The following CLDN10 variants were observed in gnomAD, a reference collection of about 807,000 sequenced individuals.
CLDN10 encodes claudin 10, also known as claudin-10.
A neutral mutation model predicts 22.9 loss-of-function variants in CLDN10; 15 were observed. The observed-to-expected ratio is 0.65, with a 90% CI of 0.44 to 1.01. The LOEUF (loss-of-function observed/expected upper bound fraction) is 1.01. CLDN10 is among the 50% of genes least tolerant of loss of function. CLDN10 has a pLI of 0.00. For missense variants in CLDN10, 247 were observed against 287.8 expected (o/e 0.86, Z 1.03); for synonymous variants, 114 against 111.4 (o/e 1.02, Z -0.15).
intron 1 of CLDN10, among the ~76,000 whole-genome samples, chr13:95,465,382 A>C (rs542507591): frequency 5.3e-5 from 8 of 152,308 alleles, no homozygotes; most frequent in African/African-American, 1.9e-4. Context: ...TGCCCCGCTG[A>C]TACTGTGTTT....
chr13:95,466,506 A>G lies in CLDN10; in HGVS notation c.214+32459A>G, dbSNP rs528988404. On this transcript the variant is annotated intron_variant, in intron 1 of 4. Transcript: ENST00000376873. ...TGTGCATTTCAGTAATAATTTTGAA[A>G]TAATAATTTAACAAATCACTACATG... Among the ~76,000 whole-genome samples the G allele has an allele frequency of 1.4e-4, 22 of 152,328 alleles. No homozygotes were observed. In the South Asian group the frequency reaches 4.6e-3, roughly 32 times the overall value.
intron 1 of CLDN10, among the ~76,000 whole-genome samples, chr13:95,492,745 GT>G (rs1566299290): frequency 6.6e-6 from 1 of 152,108 alleles, no homozygotes; most frequent in African/African-American, 2.4e-5. Context: ...TCCCTATGGA[GT>G]TTTACCCCCT....
chr13:95,465,945 T>A (rs902093087), intron 1 of CLDN10, among the ~76,000 whole-genome samples: 15 of 152,326 alleles, frequency 9.8e-5, no homozygotes, highest in Non-Finnish European at 1.8e-4. Context: ...TCTATCAATA[T>A]AATGTATTCC....
intron 1 of CLDN10, among the ~76,000 whole-genome samples, chr13:95,463,284 TAATATATATATATATATATATA>T (rs1566282877): frequency 6.1e-5 from 2 of 32,586 alleles, no homozygotes; most frequent in African/African-American, 1.9e-4. Context: ...TGCAAATGCT[TAATATATATATATATATATATA>T]TATATATATA....
chr13:95,449,752 TTTTC>T (rs1306670926), intron 1 of CLDN10, among the ~76,000 whole-genome samples: 2 of 149,408 alleles, frequency 1.3e-5, no homozygotes, highest in Non-Finnish European at 1.5e-5. Flanking sequence ...TTTTTTTTTT[TTTTC>T]TTTTTGAGGC....
intron 1 of CLDN10, among the ~76,000 whole-genome samples, chr13:95,543,471 T>C (rs1247126631): frequency 1.3e-5 from 2 of 152,152 alleles, no homozygotes; most frequent in African/African-American, 4.8e-5. Flanking sequence ...CTGGTGAGTC[T>C]AATCTGTGAG....
At chr13:95,553,869 T>A (rs2043601350) in intron 1 of CLDN10, among the ~76,000 whole-genome samples, 2 of 152,186 alleles carry the variant, frequency 1.3e-5, no homozygotes, top group East Asian at 3.9e-4. Flanking sequence ...CCCGGTCCCA[T>A]TGATTGCTCA....
At chr13:95,482,848 G>A (rs1202202426) in intron 1 of CLDN10, among the ~76,000 whole-genome samples, 3 of 152,018 alleles carry the variant, frequency 2.0e-5, no homozygotes, top group African/African-American at 4.8e-5. Context: ...GCATGGTGGC[G>A]TGTGCCTGTA....
At chr13:95,436,107 G>T (rs1452703638) in intron 1 of CLDN10, among the ~76,000 whole-genome samples, 3 of 152,138 alleles carry the variant, frequency 2.0e-5, no homozygotes, top group Non-Finnish European at 4.4e-5. Flanking sequence ...TCAACTTGCT[G>T]CTTCCCCAAA....
rs982544558 is a variant in CLDN10, at chr13:95,504,251, A to T, written c.215-55881A>T. Among the ~76,000 whole-genome samples the T allele has an allele frequency of 2.0e-5, 3 of 152,244 alleles. No homozygotes were observed. In the East Asian group the frequency reaches 5.8e-4, roughly 29 times the overall value. On this transcript the variant is annotated intron_variant, in intron 1 of 4. Transcript: ENST00000376873. ...TATGGGCATATTTATGGACAGGAAA[A>T]CAGGAATATTCTCTTCTGTCTGCCT...
intron 1 of CLDN10, among the ~76,000 whole-genome samples, chr13:95,501,402 C>T (rs562233008): frequency 5.0e-4 from 76 of 152,304 alleles, no homozygotes; most frequent in African/African-American, 1.8e-3. Flanking sequence ...CAGCTTTGAC[C>T]TCCTGGGCAC....
intron 1 of CLDN10, among the ~76,000 whole-genome samples, chr13:95,492,434 C>T (rs2042883154): frequency 6.6e-6 from 1 of 152,032 alleles, no homozygotes; most frequent in East Asian, 1.9e-4. Flanking sequence ...TACAGGTTGT[C>T]AGGGAAGTTG....
At chr13:95,450,756 C>T (rs953804389) in intron 1 of CLDN10, among the ~76,000 whole-genome samples, 19 of 152,322 alleles carry the variant, frequency 1.2e-4, no homozygotes, top group South Asian at 6.2e-4. Flanking sequence ...CTCAGGTTAT[C>T]GTCTACCTGG....
intron 3 of CLDN10, among the ~76,000 whole-genome samples, chr13:95,561,110 C>T (rs1409167059): frequency 1.3e-5 from 2 of 152,038 alleles, no homozygotes; most frequent in African/African-American, 4.8e-5. Flanking sequence ...AGGCTTATTT[C>T]TTTGGATTGG....
At chr13:95,477,238 T>G (rs2042693452) in intron 1 of CLDN10, among the ~76,000 whole-genome samples, 1 of 152,066 alleles carries the variant, frequency 6.6e-6, no homozygotes, top group Non-Finnish European at 1.5e-5. Context: ...AGAGCCCTTA[T>G]TATGGTTTCC....
rs869042850 is a variant in CLDN10 at position 95,463,330 on chromosome 13, CT to C, written c.214+29303del. 9.1e-3 allele frequency among the ~76,000 whole-genome samples: 338 copies of C among 37,056 alleles called. 11 individuals carry two copies. The highest frequency in any genetic ancestry group is 0.032 in the African/African-American group (294 of 9,064). 24.3% of individuals were successfully genotyped at this position (37,056 alleles called of 152,430 possible). On this transcript the variant is annotated intron_variant, in intron 1 of 4. Transcript: ENST00000376873. ...TATATATATATATATATATATTTGC[CT>C]TTTTTTTTTTTTTTTTTTTGAGACA... is the stretch of plus-strand genomic sequence containing the variant.
intron 1 of CLDN10, among the ~76,000 whole-genome samples, chr13:95,524,118 G>A (rs1403751335): frequency 1.4e-5 from 2 of 142,478 alleles, no homozygotes; most frequent in Non-Finnish European, 3.0e-5. Flanking sequence ...TTGAGACAGA[G>A]TCTCACTCTG....
At chr13:95,488,800 T>G (rs1396296011) in intron 1 of CLDN10, among the ~76,000 whole-genome samples, 1 of 152,200 alleles carries the variant, frequency 6.6e-6, no homozygotes, top group Non-Finnish European at 1.5e-5. Context: ...GCATTTGGGT[T>G]GGTTCCAGGA....
At position 95,531,157 on chromosome 13, in the gene CLDN10, A is replaced by G. The variant is rs377462540; in HGVS notation, c.215-28975A>G. The stretch of plus-strand genomic sequence containing the variant: ...ATGGTCTCGATCTCATGACCTCATG[A>G]TCTGCCCGCCTCAGCCTCCCATAGT... On this transcript the variant is annotated intron_variant, in intron 1 of 4. Transcript: ENST00000376873. Among the ~76,000 whole-genome samples, 15 of 152,164 alleles carry G rather than the reference A, an allele frequency of 9.9e-5. No individual in the cohort carries two copies. In the East Asian group the frequency reaches 2.1e-3, roughly 22 times the overall value.
Sources: gnomAD v4.1 joint callset for allele counts (sites outside exome capture counted in the v4.1 genomes callset) on GRCh38, gnomAD v4.1.1 for gene constraint, MANE v1.5 for transcripts, NCBI Gene and HGNC (gene_info 2026-07-23, HGNC 2026-07-21) for gene names.